The following MSN variants were observed in gnomAD, a reference collection of about 807,000 sequenced individuals.
MSN encodes the protein epididymis luminal protein 70.
MSN carries 2 observed loss-of-function variants against 48.0 expected under a neutral mutation model. The ratio of observed to expected loss-of-function variants is 0.04; its 90% CI spans 0.02 to 0.13. The LOEUF is 0.13. Ranked by LOEUF, MSN falls within the 10% of genes least tolerant of loss-of-function variation. MSN has a pLI of 1.00. For missense variants in MSN, 267 were observed against 470.1 expected (o/e 0.57, Z 3.99); for synonymous variants, 146 against 166.9 (o/e 0.87, Z 0.97).
chrX:65,662,618 C>T (rs1182965430), intron 1 of MSN, among the ~76,000 whole-genome samples: 1 of 112,449 alleles, frequency 8.9e-6, no homozygotes, highest in African/African-American at 3.2e-5. Flanking sequence ...TTACCTTTCA[C>T]CATTTACAGA....
intron 1 of MSN, among the ~76,000 whole-genome samples, chrX:65,711,896 C>A (rs963497728): frequency 9.0e-6 from 1 of 111,338 alleles, no homozygotes; most frequent in Non-Finnish European, 1.9e-5. Context: ...GCATGAGTAC[C>A]CATTGAATCT....
At chrX:65,672,418 T>C (rs754454502) in intron 1 of MSN, among the ~76,000 whole-genome samples, 90 of 112,122 alleles carry the variant, frequency 8.0e-4, no homozygotes, top group Non-Finnish European at 1.3e-3. Flanking sequence ...TTTGGGATAG[T>C]CTGTTGGTTC....
At chrX:65,717,508 C>G (rs992915813) in intron 2 of MSN, among the ~76,000 whole-genome samples, 4 of 112,267 alleles carry the variant, frequency 3.6e-5, no homozygotes, top group Admixed American at 1.9e-4. Flanking sequence ...TGCTTACTCG[C>G]CATAGTGAAG....
intron 9 of MSN, 25 bp downstream of exon 9, chrX:65,736,950 A>G: frequency 8.3e-7 from 1 of 1,208,007 alleles, no homozygotes; most frequent in Non-Finnish European, 1.1e-6. Context: ...CACCTTGGAG[A>G]TTGGATTTTT....
chrX:65,651,580 T>C (rs2070742839), intron 1 of MSN, among the ~76,000 whole-genome samples: 1 of 103,400 alleles, frequency 9.7e-6, no homozygotes, highest in Non-Finnish European at 1.9e-5. Context: ...ATTATTATTA[T>C]TATTATTATT....
intron 3 of MSN, among the ~76,000 whole-genome samples, chrX:65,728,907 AGTAGGT>A (rs1182490403): frequency 9.0e-6 from 1 of 111,291 alleles, no homozygotes; most frequent in Non-Finnish European, 1.9e-5. Context: ...GTGTCTAGGG[AGTAGGT>A]ACCCCACCTT....
intron 1 of MSN, among the ~76,000 whole-genome samples, chrX:65,650,052 C>CTTTTTTTTTT (rs59222247): frequency 1.3e-3 from 69 of 53,172 alleles, no homozygotes; most frequent in African/African-American, 2.0e-3. Flanking sequence ...CCTTTTTTCT[C>CTTTTTTTTTT]TTTTTTTTTT....
intron 1 of MSN, among the ~76,000 whole-genome samples, chrX:65,655,041 C>T (rs988910909): frequency 3.6e-5 from 4 of 110,835 alleles, no homozygotes; most frequent in Admixed American, 1.9e-4. Flanking sequence ...AGGGTAGAAA[C>T]TTTTGTTTTT....
chrX:65,737,011 A>C, intron 9 of MSN, 86 bp downstream of exon 9: 1 of 1,154,340 alleles, frequency 8.7e-7, no homozygotes, highest in African/African-American at 1.8e-5. Context: ...GTAGACTCAG[A>C]CAATGTAGTT....
chrX:65,608,582 G>A (rs2070296020), intron 1 of MSN, among the ~76,000 whole-genome samples: 1 of 110,684 alleles, frequency 9.0e-6, no homozygotes, highest in Non-Finnish European at 1.9e-5. Flanking sequence ...AGTGTGTATC[G>A]GGGAGATTTT....
At chrX:65,692,786 T>C (rs1418463033) in intron 1 of MSN, among the ~76,000 whole-genome samples, 1 of 111,109 alleles carries the variant, frequency 9.0e-6, no homozygotes, top group Non-Finnish European at 1.9e-5. Flanking sequence ...TTCAAGCGAT[T>C]CTCCTGCCTC....
rs1410835778 is a variant in MSN at position 65,698,178 on chromosome X, G to T, written c.13-18640G>T. 2.7e-5 allele frequency among the ~76,000 whole-genome samples: 3 copies of T among 111,743 alleles called. No individual in the cohort carries two copies. In the Admixed American group the frequency reaches 2.8e-4, roughly 11 times the overall value. On this transcript the variant is annotated intron_variant, in intron 1 of 12. Coordinates refer to ENST00000360270, the MANE Select transcript of MSN (RefSeq NM_002444.3). ...GTGCTTGCCTTCTTGGCTTTGAGAG[G>T]CATGAAGAGCTCCTGTATTCTTGAT...
chrX:65,739,949 ACACCTAACT>A lies in MSN; in HGVS notation c.*68_*76del, dbSNP rs1223183336. On this transcript the variant is annotated 3_prime_UTR_variant, in exon 13 of 13. Coordinates refer to ENST00000360270, the MANE Select transcript of MSN (RefSeq NM_002444.3). ...CCTTTTTCCTTGTCCCCACACTCCT[ACACCTAACT>A]CACCTAACTCATACTGTGCTGGAGC... 4.4e-6 allele frequency: 5 copies of A among 1,128,417 alleles called. No individual in the cohort carries two copies. The highest frequency in any genetic ancestry group is 2.1e-5 in the South Asian group (1 of 48,548). The allele number at this position is 1,128,417 out of a possible 1,213,427, so 93.0% of individuals were successfully genotyped here.
intron 1 of MSN, among the ~76,000 whole-genome samples, chrX:65,598,493 C>T (rs2070204903): frequency 9.0e-6 from 1 of 111,305 alleles, no homozygotes; most frequent in Non-Finnish European, 1.9e-5. Flanking sequence ...TGATAGTGGA[C>T]ATACCTAGTC....
intron 1 of MSN, among the ~76,000 whole-genome samples, chrX:65,682,050 C>A (rs2071061298): frequency 8.9e-6 from 1 of 111,948 alleles, no homozygotes; most frequent in African/African-American, 3.3e-5. Flanking sequence ...GAGGGGCCAC[C>A]ATCACCTTAG....
At chrX:65,621,313 A>T (rs954831990) in intron 1 of MSN, among the ~76,000 whole-genome samples, 2 of 111,949 alleles carry the variant, frequency 1.8e-5, no homozygotes, top group Non-Finnish European at 3.8e-5. Context: ...GTCCAACTTT[A>T]TTCTTTTCAT....
intron 1 of MSN, among the ~76,000 whole-genome samples, chrX:65,624,467 G>A (rs1434483559): frequency 9.1e-6 from 1 of 109,556 alleles, no homozygotes; most frequent in Non-Finnish European, 1.9e-5. Flanking sequence ...AACCAACTTT[G>A]GGTTTCATTC....
At chrX:65,699,965 G>A (rs916114645) in intron 1 of MSN, among the ~76,000 whole-genome samples, 15 of 110,516 alleles carry the variant, frequency 1.4e-4, no homozygotes, top group African/African-American at 4.3e-4. Flanking sequence ...TACTTGTCTC[G>A]GGCTTGTCTT....
chrX:65,673,579 C>T (rs1266646360), intron 1 of MSN, among the ~76,000 whole-genome samples: 1 of 110,895 alleles, frequency 9.0e-6, no homozygotes, highest in Non-Finnish European at 1.9e-5. Flanking sequence ...CTCAGGCTCC[C>T]GAGTAGCTGG....
Sources: gnomAD v4.1 joint callset for allele counts (sites outside exome capture counted in the v4.1 genomes callset) on GRCh38, gnomAD v4.1.1 for gene constraint, MANE v1.5 for transcripts, NCBI Gene and HGNC (gene_info 2026-07-23, HGNC 2026-07-21) for gene names.